Variants in SORT1 observed in about 807,000 individuals in gnomAD.
SORT1 encodes sortilin 1, also known as sortilin.
In SORT1, 39 loss-of-function variants were observed where a neutral mutation model predicts 101.7. The observed-to-expected ratio is 0.38, with a 90% CI of 0.30 to 0.50. The LOEUF (loss-of-function observed/expected upper bound fraction) is 0.50, where lower values mean the gene tolerates loss of function less well. SORT1 is among the 20% of genes least tolerant of loss of function. The pLI, the probability that SORT1 is intolerant of heterozygous loss-of-function variation, is 0.90. For missense variants in SORT1, 878 were observed against 1,040.4 expected (o/e 0.84, Z 2.15); for synonymous variants, 396 against 393.7 (o/e 1.01, Z -0.07).
Position 109,312,566 on chromosome 1 carries a change from T to C in SORT1, c.*1477A>G, listed in dbSNP as rs187510472. 15 of 150,066 alleles carry C rather than the reference T, an allele frequency of 1.0e-4. No individual in the cohort carries two copies. The highest frequency in any genetic ancestry group is 9.3e-4 in the Admixed American group (14 of 15,068). 9.3% of individuals were successfully genotyped at this position (150,066 alleles called of 1,614,324 possible). On this transcript the variant is annotated 3_prime_UTR_variant, in exon 20 of 20. Coordinates refer to ENST00000256637, the MANE Select transcript of SORT1 (RefSeq NM_002959.7). ...ACTTTCTAGCCACAAAATAAACTAGTAGCAAATGGTATCTACCAAAGAATG... is the reference window on the plus strand; with the variant it reads ...ACTTTCTAGCCACAAAATAAACTAGCAGCAAATGGTATCTACCAAAGAATG...
At chr1:109,353,976 TA>T (rs1650132145) in intron 5 of SORT1, among the ~76,000 whole-genome samples, 2 of 151,980 alleles carry the variant, frequency 1.3e-5, no homozygotes, top group African/African-American at 4.8e-5. Flanking sequence ...ACTGAGGACA[TA>T]ACAAAAAAGA....
intron 13 of SORT1, among the ~76,000 whole-genome samples, chr1:109,326,468 T>TATATATATATATAC (rs1211636566): frequency 1.1e-4 from 7 of 62,722 alleles, no homozygotes; most frequent in Admixed American, 1.9e-4. Flanking sequence ...TATATATACA[T>TATATATATATATAC]ACACACACAC....
chr1:109,378,814 G>A (rs564295830), intron 1 of SORT1, among the ~76,000 whole-genome samples: 1 of 141,084 alleles, frequency 7.1e-6, no homozygotes, highest in Admixed American at 7.3e-5. Flanking sequence ...AGAGTGTGGG[G>A]AGAAGTGAAG....
chr1:109,349,798 C>T (rs1649839774), intron 6 of SORT1, among the ~76,000 whole-genome samples: 1 of 152,054 alleles, frequency 6.6e-6, no homozygotes, highest in African/African-American at 2.4e-5. Context: ...CTAGAAAAGG[C>T]CTACTTTATT....
chr1:109,395,376 G>A (rs1184246253), intron 1 of SORT1, among the ~76,000 whole-genome samples: 1 of 151,414 alleles, frequency 6.6e-6, no homozygotes, highest in Admixed American at 6.6e-5. Flanking sequence ...GCATGCCACC[G>A]CGTCTGGCTA....
chr1:109,329,606 C>G (rs1570904643), intron 11 of SORT1, among the ~76,000 whole-genome samples: 1 of 152,142 alleles, frequency 6.6e-6, no homozygotes, highest in African/African-American at 2.4e-5. Flanking sequence ...AAAACTATCA[C>G]AAGGGATAAA....
chr1:109,351,550 A>G (rs1455873233), intron 5 of SORT1, among the ~76,000 whole-genome samples: 2 of 152,242 alleles, frequency 1.3e-5, no homozygotes, highest in African/African-American at 4.8e-5. Context: ...CAGTGTGTGC[A>G]GGGAGCTAAA....
intron 18 of SORT1, 102 bp downstream of exon 18, chr1:109,314,570 C>A: frequency 9.3e-7 from 1 of 1,075,438 alleles, no homozygotes; most frequent in Non-Finnish European, 1.4e-6. Context: ...AGGAACAGTA[C>A]TGCAAGTACC....
intron 1 of SORT1, among the ~76,000 whole-genome samples, chr1:109,378,863 C>T (rs970017930): frequency 6.7e-6 from 1 of 149,998 alleles, no homozygotes; most frequent in African/African-American, 2.5e-5. Context: ...GGAGGCCAGG[C>T]ATGATGGCTC....
chr1:109,322,681 C>T (rs1368873030), intron 15 of SORT1, among the ~76,000 whole-genome samples: 1 of 152,056 alleles, frequency 6.6e-6, no homozygotes, highest in Non-Finnish European at 1.5e-5. Context: ...AGGCGTGCGC[C>T]ACCATGCCCT....
At position 109,317,947 on chromosome 1, in the gene SORT1, C is replaced by T; in HGVS notation, c.2047G>A (p.Glu683Lys). 2.5e-6 allele frequency: 4 copies of T among 1,613,866 alleles called. No homozygotes were observed. Among genetic ancestry groups the T allele is most frequent in the Non-Finnish European group, 3.4e-6 (4 of 1,179,738 alleles). ...TGTTCCACACACTTGGAGTCATTTTCTGGACGGTAGTAGCCAAAATCACTG... is the reference window on the plus strand; with the variant it reads ...TGTTCCACACACTTGGAGTCATTTTTTGGACGGTAGTAGCCAAAATCACTG... ...FLCDFGYYRP[E>K]NDSKCVEQPE... Residue 683 changes from glutamate to lysine, a missense_variant, in exon 16 of 20, where the codon GAA (glutamate) becomes AAA (lysine). Coordinates refer to ENST00000256637, the MANE Select transcript of SORT1 (RefSeq NM_002959.7).
intron 1 of SORT1, among the ~76,000 whole-genome samples, chr1:109,378,733 T>A (rs1570978208): frequency 9.8e-6 from 1 of 101,716 alleles, no homozygotes; most frequent in African/African-American, 4.3e-5. Context: ...TATATATATA[T>A]ATATATATAT....
intron 11 of SORT1, among the ~76,000 whole-genome samples, chr1:109,335,765 C>T (rs1346500424): frequency 6.6e-6 from 1 of 152,190 alleles, no homozygotes; most frequent in Non-Finnish European, 1.5e-5. Flanking sequence ...CAGGGGCTGC[C>T]TTGCGTCCCT....
At position 109,367,824 on chromosome 1, in the gene SORT1, T is replaced by C. The variant is rs185899751; in HGVS notation, c.367-343A>G. Among the ~76,000 whole-genome samples the C allele has an allele frequency of 1.2e-4, 18 of 152,372 alleles. No homozygotes were observed. In the East Asian group the frequency reaches 3.3e-3, roughly 28 times the overall value. ...TCTCCTTACAGAGTCTAGAATAGCG[T>C]GGGTGTTCTCACAGAGATCACTGTG... On this transcript the variant is annotated intron_variant, in intron 2 of 19. Transcript: ENST00000256637.
At chr1:109,397,461 C>G (rs1221848225) in intron 1 of SORT1, 126 bp downstream of exon 1, 130 of 627,018 alleles carry the variant, frequency 2.1e-4, no homozygotes, top group Non-Finnish European at 1.2e-5. Context: ...TTCGGGGCTG[C>G]GGCCCGGGGG....
rs758829476 is a variant in SORT1 at position 109,314,228 on chromosome 1, G to T, written c.2481+33C>A. ...TATTTTCTTGTATTTTTTGGGGGGG[G>T]GGGTACTACCATTCAAGAAGAAATA... On this transcript the variant is annotated intron_variant, in intron 19 of 19. Transcript: ENST00000256637. 50 of 1,427,588 alleles carry T rather than the reference G, an allele frequency of 3.5e-5. No homozygotes were observed. The Admixed American group carries it at 3.7e-4, about 10-fold the overall frequency. 88.4% of individuals were successfully genotyped at this position (1,427,588 alleles called of 1,614,324 possible).
At chr1:109,375,752 G>C (rs1306866851) in intron 1 of SORT1, among the ~76,000 whole-genome samples, 1 of 151,906 alleles carries the variant, frequency 6.6e-6, no homozygotes, top group Admixed American at 6.6e-5. Flanking sequence ...TACATACAGA[G>C]AAACAAAGAA....
At chr1:109,328,230 C>T (rs924354896) in intron 11 of SORT1, among the ~76,000 whole-genome samples, 3 of 152,202 alleles carry the variant, frequency 2.0e-5, no homozygotes, top group Non-Finnish European at 2.9e-5. Flanking sequence ...TGAGAACCTG[C>T]TTTCAACTCT....
chr1:109,359,767 A>G (rs1278843), intron 3 of SORT1, among the ~76,000 whole-genome samples: 147,922 of 152,302 alleles, frequency 0.97, 71,988 homozygotes, highest in Middle Eastern at 1. Context: ...CCCAAAGTGC[A>G]GGGATTACAG....
Sources: allele counts gnomAD v4.1 joint callset (sites outside exome capture counted in the v4.1 genomes callset), GRCh38; gene constraint gnomAD v4.1.1; transcripts MANE v1.5; gene names NCBI Gene and HGNC (gene_info 2026-07-23, HGNC 2026-07-21).